CDH12: variants seen among roughly 807,000 people sequenced by gnomAD.
CDH12 encodes the protein cadherin-12.
In CDH12, 41 loss-of-function variants were observed where a neutral mutation model predicts 74.1. The observed-to-expected ratio is 0.55, with a 90% CI of 0.43 to 0.72. The LOEUF (loss-of-function observed/expected upper bound fraction) is 0.72, where lower values mean the gene tolerates loss of function less well. Among genes scored for constraint, CDH12 ranks in the 30% least tolerant of loss-of-function variants. CDH12 has a pLI of 0.00. For missense variants in CDH12, 945 were observed against 977.2 expected (o/e 0.97, Z 0.44); for synonymous variants, 399 against 355.0 (o/e 1.12, Z -1.39).
At chr5:21,798,611 A>G (rs1390368347) in intron 10 of CDH12, among the ~76,000 whole-genome samples, 1 of 152,078 alleles carries the variant, frequency 6.6e-6, no homozygotes, top group Admixed American at 6.6e-5. Context: ...GGGGGTAAGG[A>G]GGTCATGAGG....
intron 1 of CDH12, among the ~76,000 whole-genome samples, chr5:22,526,357 A>G (rs1737280720): frequency 6.6e-6 from 1 of 152,208 alleles, no homozygotes; most frequent in Admixed American, 6.5e-5. Flanking sequence ...GGGAAAGGTG[A>G]TCAATATTTC....
chr5:21,809,852 T>C (rs1747651759), intron 9 of CDH12, among the ~76,000 whole-genome samples: 1 of 152,060 alleles, frequency 6.6e-6, no homozygotes, highest in Non-Finnish European at 1.5e-5. Context: ...TATGAGAACC[T>C]TGTAAGTATC....
At chr5:22,635,115 T>C (rs1738772953) in intron 1 of CDH12, among the ~76,000 whole-genome samples, 1 of 152,110 alleles carries the variant, frequency 6.6e-6, no homozygotes, top group Non-Finnish European at 1.5e-5. Context: ...AGTGCAGTAA[T>C]CAAGACAGCA....
chr5:22,414,462 T>C (rs1743297364), intron 2 of CDH12, among the ~76,000 whole-genome samples: 1 of 151,988 alleles, frequency 6.6e-6, no homozygotes, highest in Non-Finnish European at 1.5e-5. Flanking sequence ...ATATGTGCCA[T>C]ATTTCTATAC....
At chr5:22,533,033 C>T (rs930850577) in intron 1 of CDH12, among the ~76,000 whole-genome samples, 1 of 152,030 alleles carries the variant, frequency 6.6e-6, no homozygotes, top group African/African-American at 2.4e-5. Flanking sequence ...AATTTTGTTG[C>T]TACTAAAATT....
intron 1 of CDH12, among the ~76,000 whole-genome samples, chr5:22,573,680 G>C (rs1298685412): frequency 6.6e-6 from 1 of 152,090 alleles, no homozygotes; most frequent in Non-Finnish European, 1.5e-5. Flanking sequence ...TGCATATGCT[G>C]TATGACATGT....
At chr5:22,393,166 A>T (rs1034530716) in intron 3 of CDH12, among the ~76,000 whole-genome samples, 3 of 152,190 alleles carry the variant, frequency 2.0e-5, no homozygotes, top group African/African-American at 7.2e-5. Flanking sequence ...AAATCCAATG[A>T]CATGTCCTTC....
chr5:22,059,288 T>TATCTATCC, intron 5 of CDH12, among the ~76,000 whole-genome samples: 1 of 144,848 alleles, frequency 6.9e-6, no homozygotes, highest in South Asian at 2.2e-4. Flanking sequence ...TCTATCTATC[T>TATCTATCC]ATCTATCATC....
At chr5:21,802,601 T>C (rs972753091) in intron 9 of CDH12, among the ~76,000 whole-genome samples, 181 bp from the exon 10 acceptor site, 1 of 145,646 alleles carries the variant, frequency 6.9e-6, no homozygotes, top group Non-Finnish European at 1.5e-5. Flanking sequence ...TTCTTTTTTT[T>C]TTTTTTTTGA....
intron 3 of CDH12, among the ~76,000 whole-genome samples, chr5:22,294,886 T>G (rs1580492673): frequency 2.0e-5 from 3 of 152,306 alleles, no homozygotes; most frequent in East Asian, 3.9e-4. Context: ...CAGCTTTACA[T>G]GGCAGGAACA....
chr5:22,846,527 A>G (rs1354638044), intron 1 of CDH12, among the ~76,000 whole-genome samples: 1 of 152,240 alleles, frequency 6.6e-6, no homozygotes, highest in African/African-American at 2.4e-5. Flanking sequence ...CAGTGATGAA[A>G]GAATAAAACC....
At chr5:21,985,674 C>T (rs1467723132) in intron 5 of CDH12, among the ~76,000 whole-genome samples, 1 of 152,084 alleles carries the variant, frequency 6.6e-6, no homozygotes, top group Non-Finnish European at 1.5e-5. Context: ...TTATGTACAA[C>T]ACAAACTACT....
intron 6 of CDH12, among the ~76,000 whole-genome samples, chr5:21,876,217 A>T (rs1227319945): frequency 2.6e-5 from 4 of 152,050 alleles, no homozygotes; most frequent in Non-Finnish European, 5.9e-5. Context: ...TTAATGGTTG[A>T]GACAAATCTC....
intron 3 of CDH12, among the ~76,000 whole-genome samples, chr5:22,338,175 C>T (rs959551696): frequency 2.1e-4 from 32 of 152,038 alleles, no homozygotes; most frequent in African/African-American, 7.5e-4. Flanking sequence ...CCTAAGTGTC[C>T]ATCTACAGAT....
At chr5:22,549,265 A>C (rs2126730937) in intron 1 of CDH12, among the ~76,000 whole-genome samples, 1 of 151,742 alleles carries the variant, frequency 6.6e-6, no homozygotes, top group Middle Eastern at 3.4e-3. Context: ...GAGCCACCGC[A>C]CCTGGCCTCC....
chr5:22,576,409 G>T (rs931370672), intron 1 of CDH12, among the ~76,000 whole-genome samples: 1 of 152,182 alleles, frequency 6.6e-6, no homozygotes, highest in Non-Finnish European at 1.5e-5. Context: ...GACCACAAAT[G>T]CCTGTCCTAA....
chr5:22,418,965 T>A (rs557977108), intron 2 of CDH12, among the ~76,000 whole-genome samples: 83 of 152,268 alleles, frequency 5.5e-4, no homozygotes, highest in African/African-American at 1.9e-3. Context: ...TATTGAGAGT[T>A]TTTAGCATGA....
chr5:22,578,656 T>C (rs1436388097), intron 1 of CDH12, among the ~76,000 whole-genome samples: 1 of 152,160 alleles, frequency 6.6e-6, no homozygotes, highest in Non-Finnish European at 1.5e-5. Flanking sequence ...TCATGTGTGC[T>C]CAGAAGCAGG....
At chr5:22,083,264 C>T (rs1742857185) in intron 4 of CDH12, among the ~76,000 whole-genome samples, 1 of 152,236 alleles carries the variant, frequency 6.6e-6, no homozygotes, top group Non-Finnish European at 1.5e-5. Flanking sequence ...TAATCGACCT[C>T]TGCATGTTCA....
Sources: allele counts gnomAD v4.1 joint callset (sites outside exome capture counted in the v4.1 genomes callset), GRCh38; gene constraint gnomAD v4.1.1; transcripts MANE v1.5; gene names NCBI Gene and HGNC (gene_info 2026-07-23, HGNC 2026-07-21).